The following ADGRB3 variants were observed in gnomAD, a reference collection of about 807,000 sequenced individuals.
ADGRB3 encodes adhesion G protein-coupled receptor B3.
A neutral mutation model predicts 193.4 loss-of-function variants in ADGRB3; 37 were observed. The ratio of observed to expected loss-of-function variants is 0.19; its 90% CI spans 0.15 to 0.25. ADGRB3 has a LOEUF of 0.25. ADGRB3 is among the 10% of genes least tolerant of loss of function. The probability of loss-of-function intolerance (pLI) is 1.00; values close to 1 mark genes in which losing one functional copy is unlikely to be tolerated. For synonymous variants in ADGRB3, 690 were observed against 644.2 expected (o/e 1.07, Z -1.08); for missense variants, 1,637 against 1,852.9 (o/e 0.88, Z 2.14).
chr6:68,733,845 TGACAAGAA>T (rs1765822819), intron 3 of ADGRB3, among the ~76,000 whole-genome samples: 1 of 151,050 alleles, frequency 6.6e-6, no homozygotes, highest in East Asian at 1.9e-4. Flanking sequence ...AGAATGTACA[TGACAAGAA>T]TGTAATGTTG....
intron 19 of ADGRB3, among the ~76,000 whole-genome samples, chr6:69,236,159 T>A (rs1766262295): frequency 6.6e-6 from 1 of 152,006 alleles, no homozygotes; most frequent in Non-Finnish European, 1.5e-5. Context: ...TTTAAGAAAA[T>A]GTATTGTTCT....
intron 3 of ADGRB3, among the ~76,000 whole-genome samples, chr6:68,642,955 C>G (rs1254756963): frequency 6.6e-6 from 1 of 152,016 alleles, no homozygotes; most frequent in East Asian, 1.9e-4. Context: ...TAATTCTGGA[C>G]TATATAGCTG....
At position 69,327,904 on chromosome 6, in the gene ADGRB3, A is replaced by T; in HGVS notation, c.3035+15A>T. The T allele has an allele frequency of 6.3e-7, 1 of 1,588,578 alleles. No homozygotes were observed. Among genetic ancestry groups the T allele is most frequent in the South Asian group, 1.1e-5 (1 of 88,754 alleles). Reference sequence around the variant, plus strand: ...ACTGATCACTAGTAAGTCCATCCACAGAGATAAATCATGTTTATAATTTAA... The same window carrying T: ...ACTGATCACTAGTAAGTCCATCCACTGAGATAAATCATGTTTATAATTTAA... On this transcript the variant is annotated intron_variant, in intron 22 of 31. Coordinates refer to ENST00000370598, the MANE Select transcript of ADGRB3 (RefSeq NM_001704.3).
intron 11 of ADGRB3, among the ~76,000 whole-genome samples, chr6:69,003,826 AG>A (rs1769659442): frequency 6.6e-6 from 1 of 152,184 alleles, no homozygotes; most frequent in Non-Finnish European, 1.5e-5. Flanking sequence ...CTGGTAACTG[AG>A]GGGAACTAAC....
intron 17 of ADGRB3, among the ~76,000 whole-genome samples, chr6:69,218,061 C>A (rs1765806623): frequency 1.6e-5 from 2 of 128,184 alleles, no homozygotes; most frequent in Admixed American, 8.3e-5. Flanking sequence ...GCCTTAACTC[C>A]AGCTGACAAA....
chr6:69,353,433 C>G (rs1032866809), intron 26 of ADGRB3, among the ~76,000 whole-genome samples: 2 of 152,126 alleles, frequency 1.3e-5, no homozygotes, highest in Non-Finnish European at 2.9e-5. Flanking sequence ...TGAAGGGAGA[C>G]AAGAGATAGT....
chr6:68,949,187 A>T (rs1767850430), intron 6 of ADGRB3, among the ~76,000 whole-genome samples: 2 of 152,202 alleles, frequency 1.3e-5, no homozygotes, highest in South Asian at 4.1e-4. Flanking sequence ...ATTGAGCTCT[A>T]CTGTCTTAGT....
At chr6:69,048,452 T>G (rs1374646853) in intron 14 of ADGRB3, 118 bp downstream of exon 14, 1 of 1,067,068 alleles carries the variant, frequency 9.4e-7, no homozygotes, top group Non-Finnish European at 1.3e-6. Context: ...TAATCATTAT[T>G]TTAAACTAAT....
intron 30 of ADGRB3, among the ~76,000 whole-genome samples, chr6:69,380,872 C>T (rs1769931133): frequency 6.6e-6 from 1 of 151,780 alleles, no homozygotes; most frequent in African/African-American, 2.4e-5. Context: ...TGCTTGTAAG[C>T]ATGTATTAAA....
intron 3 of ADGRB3, among the ~76,000 whole-genome samples, chr6:68,732,783 A>G (rs1375884788): frequency 6.6e-6 from 1 of 151,912 alleles, no homozygotes; most frequent in Non-Finnish European, 1.5e-5. Flanking sequence ...TTACGCAGGT[A>G]TATTATCTAA....
chr6:68,645,826 C>T (rs367613696), intron 3 of ADGRB3, among the ~76,000 whole-genome samples: 2 of 151,994 alleles, frequency 1.3e-5, no homozygotes, highest in African/African-American at 4.8e-5. Flanking sequence ...GTGTGCACCA[C>T]CACACCTGGC....
rs56065569 is a variant in ADGRB3 at position 68,855,414 on chromosome 6, A to ATTAATTTAAT, written c.758-75129_758-75120dup. ...CACTTTAGGGGAAAAAACTAATAGC[A>ATTAATTTAAT]TTAATTTAATTTAATTTAATTTAAT... On this transcript the variant is annotated intron_variant, in intron 3 of 31. Transcript: ENST00000370598. Among the ~76,000 whole-genome samples, 105 of 151,198 alleles carry ATTAATTTAAT rather than the reference A, an allele frequency of 6.9e-4. 1 individual carries two copies. Among genetic ancestry groups the ATTAATTTAAT allele is most frequent in the Middle Eastern group, 3.5e-3 (1 of 288 alleles).
At chr6:69,369,790 A>C (rs1370883015) in intron 29 of ADGRB3, among the ~76,000 whole-genome samples, 1 of 152,098 alleles carries the variant, frequency 6.6e-6, no homozygotes, top group African/African-American at 2.4e-5. Flanking sequence ...AAATGATTGC[A>C]CATTAGAATG....
At chr6:69,279,282 T>C (rs1268457699) in intron 20 of ADGRB3, among the ~76,000 whole-genome samples, 1 of 151,550 alleles carries the variant, frequency 6.6e-6, no homozygotes. Context: ...TACACTTGAG[T>C]AAGATCATCT....
At chr6:69,191,193 A>G (rs1765179003) in intron 17 of ADGRB3, among the ~76,000 whole-genome samples, 1 of 152,302 alleles carries the variant, frequency 6.6e-6, no homozygotes, top group African/African-American at 2.4e-5. Flanking sequence ...TAAATCTAAG[A>G]CTAGAACTCA....
intron 20 of ADGRB3, among the ~76,000 whole-genome samples, chr6:69,291,038 G>A (rs1185999650): frequency 6.6e-6 from 1 of 152,120 alleles, no homozygotes; most frequent in African/African-American, 2.4e-5. Context: ...ATTAAGATCA[G>A]CAGTGAGGAA....
chr6:69,310,379 A>ATT (rs1768165678), intron 20 of ADGRB3, among the ~76,000 whole-genome samples: 1 of 151,676 alleles, frequency 6.6e-6, no homozygotes, highest in Non-Finnish European at 1.5e-5. Flanking sequence ...TATACTGCTA[A>ATT]TTTTTCATGC....
chr6:68,758,475 C>T (rs1766338209), intron 3 of ADGRB3, among the ~76,000 whole-genome samples: 1 of 151,994 alleles, frequency 6.6e-6, no homozygotes, highest in Non-Finnish European at 1.5e-5. Context: ...TCATTGTGTC[C>T]CTTTCTTTGT....
intron 11 of ADGRB3, among the ~76,000 whole-genome samples, chr6:69,013,393 A>G (rs1769994628): frequency 6.6e-6 from 1 of 152,144 alleles, no homozygotes. Flanking sequence ...AGGATGTTAT[A>G]TGTCTATTCA....
Sources: allele counts gnomAD v4.1 joint callset (sites outside exome capture counted in the v4.1 genomes callset), GRCh38; gene constraint gnomAD v4.1.1; transcripts MANE v1.5; gene names NCBI Gene and HGNC (gene_info 2026-07-23, HGNC 2026-07-21).